ROBO1: variants seen among roughly 807,000 people sequenced by gnomAD.
ROBO1 encodes roundabout homolog 1.
ROBO1 carries 149 observed loss-of-function variants against 195.9 expected under a neutral mutation model. That is an observed-to-expected ratio of 0.76 (90% CI 0.67 to 0.87). The LOEUF is 0.87. Among genes scored for constraint, ROBO1 ranks in the 40% least tolerant of loss-of-function variants. ROBO1 has a pLI of 0.00. For synonymous variants in ROBO1, 816 were observed against 733.2 expected (o/e 1.11, Z -1.82); for missense variants, 1,933 against 2,068.3 (o/e 0.93, Z 1.27).
chr3:79,565,574 C>A (rs1268664325), intron 2 of ROBO1, among the ~76,000 whole-genome samples: 1 of 151,788 alleles, frequency 6.6e-6, no homozygotes, highest in Non-Finnish European at 1.5e-5. Context: ...ATCTTGAAAG[C>A]ATTTTCTTAT....
At chr3:79,470,709 G>T (rs1398549762) in intron 2 of ROBO1, among the ~76,000 whole-genome samples, 1 of 152,048 alleles carries the variant, frequency 6.6e-6, no homozygotes, top group East Asian at 1.9e-4. Context: ...TTTTATAAGT[G>T]GTAAAAGAGA....
chr3:78,722,069 C>T (rs1415477921), intron 5 of ROBO1, among the ~76,000 whole-genome samples: 1 of 151,932 alleles, frequency 6.6e-6, no homozygotes, highest in East Asian at 1.9e-4. Context: ...TAGTATACAC[C>T]CTATTACTAT....
intron 2 of ROBO1, among the ~76,000 whole-genome samples, chr3:79,155,152 C>T (rs2080836749): frequency 6.6e-6 from 1 of 151,548 alleles, no homozygotes. Flanking sequence ...CACCAGGTCA[C>T]TCTGCACAAT....
chr3:79,270,904 C>A (rs1042322663), intron 2 of ROBO1, among the ~76,000 whole-genome samples: 2 of 151,820 alleles, frequency 1.3e-5, no homozygotes, highest in African/African-American at 2.4e-5. Context: ...AAATATTCAT[C>A]CTTTAATTTA....
At chr3:79,239,637 C>T (rs921266315) in intron 2 of ROBO1, among the ~76,000 whole-genome samples, 6 of 152,108 alleles carry the variant, frequency 3.9e-5, no homozygotes, top group Admixed American at 6.6e-5. Context: ...TGGGAGAGGA[C>T]GGGGCACTGC....
intron 2 of ROBO1, among the ~76,000 whole-genome samples, chr3:79,322,541 A>G (rs2034026882): frequency 6.6e-6 from 1 of 152,292 alleles, no homozygotes; most frequent in South Asian, 2.1e-4. Flanking sequence ...CAAATGCCTT[A>G]CCTGCTAGGA....
At chr3:79,399,763 T>A (rs1190117855) in intron 2 of ROBO1, among the ~76,000 whole-genome samples, 1 of 152,184 alleles carries the variant, frequency 6.6e-6, no homozygotes, top group African/African-American at 2.4e-5. Context: ...GCTCATTGCG[T>A]TGAGCGTAAA....
intron 2 of ROBO1, among the ~76,000 whole-genome samples, chr3:79,499,979 G>T (rs1939968796): frequency 6.6e-6 from 1 of 151,842 alleles, no homozygotes; most frequent in East Asian, 1.9e-4. Flanking sequence ...GGTAATTTTT[G>T]TATTTTTTAC....
intron 2 of ROBO1, among the ~76,000 whole-genome samples, chr3:79,458,471 T>C (rs1255603914): frequency 6.6e-6 from 1 of 152,098 alleles, no homozygotes; most frequent in African/African-American, 2.4e-5. Context: ...GAGTTGCTGG[T>C]AAAGGATGCA....
intron 1 of ROBO1, among the ~76,000 whole-genome samples, chr3:79,711,662 A>G (rs1007489164): frequency 2.6e-5 from 4 of 151,472 alleles, no homozygotes; most frequent in African/African-American, 9.8e-5. Context: ...ATACACACAT[A>G]CACACACACG....
At chr3:79,179,608 A>G (rs1336544254) in intron 2 of ROBO1, among the ~76,000 whole-genome samples, 1 of 152,224 alleles carries the variant, frequency 6.6e-6, no homozygotes, top group Non-Finnish European at 1.5e-5. Context: ...TGTGTTGACT[A>G]GCCTGAATTC....
chr3:79,616,779 C>G (rs1944835376), intron 1 of ROBO1, among the ~76,000 whole-genome samples: 1 of 152,080 alleles, frequency 6.6e-6, no homozygotes, highest in African/African-American at 2.4e-5. Context: ...TTGAAGACAG[C>G]CATTCCAGTG....
chr3:78,657,419 C>T (rs1218677814), intron 17 of ROBO1, 150 bp from the exon 18 acceptor site: 1 of 741,506 alleles, frequency 1.3e-6, no homozygotes, highest in Admixed American at 3.1e-5. Flanking sequence ...TCCCTAAAAT[C>T]TAGTTCTATG....
chr3:79,102,670 C>A (rs1012996320), intron 3 of ROBO1, among the ~76,000 whole-genome samples: 4 of 151,750 alleles, frequency 2.6e-5, no homozygotes, highest in African/African-American at 9.7e-5. Flanking sequence ...AGGTCCTTAG[C>A]AAATTATTTT....
At chr3:79,603,093 A>G (rs1378123778) in intron 1 of ROBO1, among the ~76,000 whole-genome samples, 1 of 151,838 alleles carries the variant, frequency 6.6e-6, no homozygotes, top group East Asian at 1.9e-4. Flanking sequence ...GGGTTGTCAT[A>G]TGTAGTTTAA....
chr3:79,136,481 T>C (rs1696065124), intron 2 of ROBO1, among the ~76,000 whole-genome samples: 1 of 152,120 alleles, frequency 6.6e-6, no homozygotes, highest in Non-Finnish European at 1.5e-5. Context: ...GAAAAGCAAA[T>C]GAATATAAAC....
chr3:79,004,610 T>G (rs1009359952), intron 3 of ROBO1, among the ~76,000 whole-genome samples: 3 of 152,252 alleles, frequency 2.0e-5, no homozygotes, highest in African/African-American at 7.2e-5. Flanking sequence ...GACACCTGTA[T>G]TGATTCATTA....
chr3:79,518,117 G>A (rs891934743), intron 2 of ROBO1, among the ~76,000 whole-genome samples: 1 of 152,166 alleles, frequency 6.6e-6, no homozygotes, highest in Admixed American at 6.5e-5. Flanking sequence ...GAGCTGACTA[G>A]ATTTCATATA....
intron 2 of ROBO1, among the ~76,000 whole-genome samples, chr3:79,300,645 C>T (rs1334733790): frequency 2.6e-5 from 4 of 152,304 alleles, no homozygotes; most frequent in South Asian, 4.1e-4. Context: ...CACCTGCAGC[C>T]GGTGGGATCC....
Sources: gnomAD v4.1 joint callset for allele counts (sites outside exome capture counted in the v4.1 genomes callset) on GRCh38, gnomAD v4.1.1 for gene constraint, MANE v1.5 for transcripts, NCBI Gene and HGNC (gene_info 2026-07-23, HGNC 2026-07-21) for gene names.